Variants in MBP observed in about 807,000 individuals in gnomAD.
MBP encodes the protein myelin basic protein.
MBP carries 16 observed loss-of-function variants against 35.8 expected under a neutral mutation model. The observed-to-expected ratio is 0.45, with a 90% CI of 0.30 to 0.68. MBP has a LOEUF of 0.68. Ranked by LOEUF, MBP falls within the 30% of genes least tolerant of loss-of-function variation. MBP has a pLI of 0.08. For synonymous variants in MBP, 143 were observed against 159.6 expected (o/e 0.90, Z 0.78); for missense variants, 380 against 404.7 (o/e 0.94, Z 0.52).
intron 7 of MBP, chr18:76,985,668 T>G: frequency 1.9e-6 from 2 of 1,047,952 alleles, no homozygotes; most frequent in Non-Finnish European, 2.3e-6. Context: ...GCGTCTCAGC[T>G]CCCCCACCTC....
intron 4 of MBP, among the ~76,000 whole-genome samples, chr18:76,994,277 G>A (rs118138294): frequency 6.9e-4 from 105 of 152,320 alleles, no homozygotes; most frequent in Admixed American, 9.2e-4. Context: ...TGTTTGGATA[G>A]CATTTCTCCA....
chr18:77,057,268 G>T (rs916695154), intron 3 of MBP, among the ~76,000 whole-genome samples: 1 of 152,190 alleles, frequency 6.6e-6, no homozygotes. Flanking sequence ...ACTGGGCTCC[G>T]ATCCTGCTCC....
intron 7 of MBP, chr18:76,985,150 G>T: frequency 2.0e-6 from 3 of 1,529,166 alleles, no homozygotes; most frequent in East Asian, 2.5e-5. Context: ...TGAGATATGC[G>T]GCCCAACCAC....
chr18:77,066,036 T>A (rs1044358472), intron 3 of MBP: 2 of 399,762 alleles, frequency 5.0e-6, no homozygotes, highest in Non-Finnish European at 8.9e-6. Context: ...TTATTTATTT[T>A]ATTTTTTGTA....
chr18:77,066,225 G>A (rs543700303), intron 3 of MBP, 73 bp downstream of exon 3: 4 of 1,118,994 alleles, frequency 3.6e-6, no homozygotes, highest in South Asian at 2.6e-5. Context: ...AAAATCAAAG[G>A]CTTCCCCGAG....
intron 7 of MBP, chr18:76,985,578 CG>C: frequency 9.2e-7 from 1 of 1,091,516 alleles, no homozygotes; most frequent in South Asian, 2.4e-5. Context: ...AACAGGAGGC[CG>C]GGGCTGCTGA....
At chr18:77,035,666 G>C (rs1488157757) in intron 3 of MBP, among the ~76,000 whole-genome samples, 1 of 152,218 alleles carries the variant, frequency 6.6e-6, no homozygotes, top group Middle Eastern at 3.2e-3. Flanking sequence ...GTGAAGGGGG[G>C]GGGACCATGA....
At chr18:77,023,694 C>T (rs1972083635) in intron 3 of MBP, among the ~76,000 whole-genome samples, 1 of 152,140 alleles carries the variant, frequency 6.6e-6, no homozygotes. Context: ...TGCTGCAGGC[C>T]CTTGACCTCT....
chr18:76,986,769 A>G, intron 7 of MBP: 1 of 985,418 alleles, frequency 1.0e-6, no homozygotes, highest in Non-Finnish European at 1.2e-6. Flanking sequence ...CTTCTGTCTT[A>G]CTCTATTGCT....
At chr18:77,062,141 G>A (rs1157132415) in intron 3 of MBP, among the ~76,000 whole-genome samples, 4 of 152,218 alleles carry the variant, frequency 2.6e-5, no homozygotes, top group African/African-American at 9.6e-5. Flanking sequence ...AGTCACCGGG[G>A]CAGTAGTGCC....
rs534777909 is a variant in MBP, at chr18:76,989,775, G to T, written c.681+181C>A. 5.0e-6 allele frequency: 3 copies of T among 603,314 alleles called. No individual in the cohort carries two copies. The highest frequency in any genetic ancestry group is 6.0e-6 in the Non-Finnish European group (2 of 334,302). The allele number at this position is 603,314 out of a possible 1,614,324, so 37.4% of individuals were successfully genotyped here. ...GGTGCAATCCGTGGCAGATACAGTC[G>T]GGAAGCGCTTGCCTGGAACTCGCGA... On this transcript the variant is annotated intron_variant, in intron 5 of 8. Transcript: ENST00000355994. The surrounding 1 kb of genome is among the most constrained non-coding windows in gnomAD (Gnocchi z 4.0).
chr18:77,087,289 T>C (rs1975283004), intron 2 of MBP: 1 of 152,258 alleles, frequency 6.6e-6, no homozygotes, highest in South Asian at 2.1e-4. Flanking sequence ...CGCACTCACC[T>C]GGCGCGGCCA....
At chr18:77,123,795 GC>G (rs1040450202) in intron 1 of MBP, among the ~76,000 whole-genome samples, 3 of 152,218 alleles carry the variant, frequency 2.0e-5, no homozygotes, top group Non-Finnish European at 2.9e-5. Flanking sequence ...TTCTGTCCCT[GC>G]TAGGACTCTA....
At chr18:77,093,739 C>T (rs1226670993) in intron 2 of MBP, among the ~76,000 whole-genome samples, 1 of 152,216 alleles carries the variant, frequency 6.6e-6, no homozygotes, top group African/African-American at 2.4e-5. Context: ...TCAAACACAA[C>T]ATTCACAAGA....
intron 3 of MBP, among the ~76,000 whole-genome samples, chr18:77,035,026 C>T (rs1037717075): frequency 2.6e-5 from 4 of 152,160 alleles, no homozygotes; most frequent in African/African-American, 7.2e-5. Context: ...CTTCAATGTG[C>T]GGAGCCGGAG....
chr18:76,989,847 A>T lies in MBP; in HGVS notation c.681+109T>A. 2.2e-6 allele frequency: 2 copies of T among 917,604 alleles called. No individual in the cohort carries two copies. Among genetic ancestry groups the T allele is most frequent in the Admixed American group, 4.1e-5 (2 of 48,674 alleles). The allele number at this position is 917,604 out of a possible 1,614,324, so 56.8% of individuals were successfully genotyped here. ...CCCGGCCGGCCTCACCCTGATGATG[A>T]CCCCGGTGCCACCCCCGAGCGTACG... On this transcript the variant is annotated intron_variant, in intron 5 of 8. Coordinates refer to ENST00000355994, the MANE Select transcript of MBP (RefSeq NM_001025101.2). This position sits in a 1 kb window ranked among gnomAD's most constrained non-coding sequence, Gnocchi z 4.0.
At chr18:76,985,468 C>T (rs1455696790) in intron 7 of MBP, 17 of 1,186,786 alleles carry the variant, frequency 1.4e-5, no homozygotes, top group South Asian at 4.8e-5. Context: ...AGTAAAATGT[C>T]GAGCCTCGTA....
intron 4 of MBP, chr18:77,003,882 TTA>T (rs112064353): frequency 0.81 from 123,218 of 151,850 alleles, 50,149 homozygotes; most frequent in Middle Eastern, 0.84. Context: ...GGATCTTCTG[TTA>T]TTCAATGCGT....
intron 1 of MBP, among the ~76,000 whole-genome samples, chr18:77,122,749 G>A (rs149035315): frequency 6.6e-6 from 1 of 152,206 alleles, no homozygotes; most frequent in East Asian, 1.9e-4. Flanking sequence ...CACCATGTTG[G>A]TCAGGCTGGT....
Sources: gnomAD v4.1 joint callset for allele counts (sites outside exome capture counted in the v4.1 genomes callset) on GRCh38, gnomAD v4.1.1 for gene constraint, Gnocchi (gnomAD v3.1) non-coding constraint, MANE v1.5 for transcripts, NCBI Gene and HGNC (gene_info 2026-07-23, HGNC 2026-07-21) for gene names.